CMTR1: variants seen among roughly 807,000 people sequenced by gnomAD.
The protein encoded by CMTR1 is cap methyltransferase 1.
A neutral mutation model predicts 107.0 loss-of-function variants in CMTR1; 39 were observed. The ratio of observed to expected loss-of-function variants is 0.36; its 90% CI spans 0.28 to 0.48. The LOEUF is 0.48. Among genes scored for constraint, CMTR1 ranks in the 20% least tolerant of loss-of-function variants. CMTR1 has a pLI of 0.99. For synonymous variants in CMTR1, 366 were observed against 379.5 expected, an observed-to-expected ratio of 0.96 and a Z score of 0.41; for missense variants, 672 against 1,064.9, an observed-to-expected ratio of 0.63 and a Z score of 5.14.
chr6:37,462,885 T>C lies in CMTR1; in HGVS notation c.1382T>C (p.Phe461Ser), dbSNP rs767328135. The change falls in exon 13 of 24, where the codon TTC (phenylalanine) becomes TCC (serine). Residue 461 changes from phenylalanine (F) to serine (S), a missense_variant. By Grantham distance (155) the Phe-to-Ser change is radical (BLOSUM62 -2). This residue lies in a region of CMTR1 where 583 missense variants were observed against 968.4 expected (regional missense o/e 0.60). Transcript: ENST00000373451. ...ATAGATGATGTTCGGGATTACCTCT[T>C]CGCAGTGAATATTAAACTCAATCAG... ...VGIDDVRDYLFAVNIKLNQLR... is the reference protein window; with the variant it reads ...VGIDDVRDYLSAVNIKLNQLR... The C allele has an allele frequency of 9.3e-6, 15 of 1,613,774 alleles. No homozygotes were observed. The highest frequency in any genetic ancestry group is 1.3e-5 in the Non-Finnish European group (15 of 1,180,024).
At chr6:37,470,001 C>G (rs1355681524) in intron 13 of CMTR1, among the ~76,000 whole-genome samples, 2 of 150,770 alleles carry the variant, frequency 1.3e-5, no homozygotes, top group Non-Finnish European at 1.5e-5. Flanking sequence ...TTCACTGATT[C>G]TTTCCTCTAC....
Position 37,461,608 on chromosome 6 carries a change from G to A in CMTR1, c.1155G>A (p.Leu385=). 6.2e-7 allele frequency: 1 copy of A among 1,611,950 alleles called. No individual in the cohort carries two copies. Among genetic ancestry groups the A allele is most frequent in the Admixed American group, 1.7e-5 (1 of 59,810 alleles). Residue 385 remains leucine, a synonymous_variant, in exon 11 of 24, where the codon CTG becomes CTA. Transcript: ENST00000373451. ...LQEILSKQLL[L]CQFLMALSIV... The stretch of plus-strand genomic sequence containing the variant: ...AGATCCTCAGCAAGCAGCTGCTTCT[G>A]TGTCAGTTCCTCATGGCGCTGTCCA...
At position 37,446,425 on chromosome 6, in the gene CMTR1, C is replaced by A. The variant is rs778160352; in HGVS notation, c.420C>A (p.Asn140Lys). 3.1e-5 allele frequency: 50 copies of A among 1,613,468 alleles called. No individual in the cohort carries two copies. The highest frequency in any genetic ancestry group is 4.2e-5 in the Non-Finnish European group (49 of 1,179,978). ...TCCGGGGCTTTGACCAGGAGCTGAA[C>A]GTGGACTGGCGAGATGAGCCAGAGG... is the stretch of plus-strand genomic sequence containing the variant. ...LTLRGFDQEL[N>K]VDWRDEPEPS... The change falls in exon 4 of 24, where the codon AAC (asparagine) becomes AAA (lysine). Residue 140 changes from asparagine to lysine, a missense_variant. Physicochemically the swap from Asn to Lys is moderately conservative, Grantham distance 94 (BLOSUM62 0). Transcript: ENST00000373451.
chr6:37,458,764 G>A lies in CMTR1; in HGVS notation c.930G>A (p.Leu310=), dbSNP rs1391725993. The part of the protein sequence containing the change: ...MTLKGPNDFK[L]EDFYSASSEL... ...TGAAGGGCCCTAATGACTTCAAGCT[G>A]GAGGACTTCTACTCTGCTTCCAGTG... The change falls in exon 9 of 24, where the codon CTG becomes CTA. Residue 310 remains leucine, a synonymous_variant. Transcript: ENST00000373451. The surrounding 1 kb of genome is among the most constrained non-coding windows in gnomAD (Gnocchi z 4.7). 1.6e-5 allele frequency: 26 copies of A among 1,614,160 alleles called. No individual in the cohort carries two copies. The highest frequency in any genetic ancestry group is 1.9e-5 in the Non-Finnish European group (22 of 1,180,046).
At chr6:37,479,409 G>A (rs963690723) in intron 23 of CMTR1, among the ~76,000 whole-genome samples, 154 bp downstream of exon 23, 1 of 152,266 alleles carries the variant, frequency 6.6e-6, no homozygotes, top group African/African-American at 2.4e-5. Flanking sequence ...TTGTGGGGAT[G>A]GCAGCCCCCT....
In CMTR1 at chr6:37,477,686, T is replaced by TG. The variant is rs759524560; in HGVS notation, c.2153+48dup. On this transcript the variant is annotated intron_variant, in intron 21 of 23. Coordinates refer to ENST00000373451, the MANE Select transcript of CMTR1 (RefSeq NM_015050.3). ...GCTCAGATTCAAGAGGAGGTGGGGG[T>TG]GCGGCCGTGTCCTGTAGTCATCCTC... 2.0e-5 allele frequency: 25 copies of TG among 1,256,642 alleles called. No homozygotes were observed. In the Admixed American group the frequency reaches 2.3e-4, roughly 11 times the overall value. The allele number at this position is 1,256,642 out of a possible 1,614,324, so 77.8% of individuals were successfully genotyped here. A position where few individuals can be genotyped will look rare whatever the true frequency, so the allele number is the denominator to read the frequency against.
At chr6:37,473,083 G>A (rs1304563569) in intron 16 of CMTR1, among the ~76,000 whole-genome samples, 1 of 152,142 alleles carries the variant, frequency 6.6e-6, no homozygotes, top group Non-Finnish European at 1.5e-5. Flanking sequence ...AATAGTATGT[G>A]TACATTTTTC....
At position 37,440,206 on chromosome 6, in the gene CMTR1, T is replaced by A. The variant is rs367703936; in HGVS notation, c.134-3793T>A. Among the ~76,000 whole-genome samples the A allele has an allele frequency of 3.3e-5, 5 of 152,364 alleles. No homozygotes were observed. The South Asian group carries it at 1.0e-3, about 32-fold the overall frequency. On this transcript the variant is annotated intron_variant, in intron 2 of 23. Coordinates refer to ENST00000373451, the MANE Select transcript of CMTR1 (RefSeq NM_015050.3). The stretch of plus-strand genomic sequence containing the variant: ...CCATCCAGCTTTGGCAAATTCTTAT[T>A]GAAACTAATGAGTTTAATAGACTGA...
At chr6:37,467,098 T>A (rs902577984) in intron 13 of CMTR1, among the ~76,000 whole-genome samples, 1 of 152,056 alleles carries the variant, frequency 6.6e-6, no homozygotes, top group Non-Finnish European at 1.5e-5. Flanking sequence ...ACTCAGAAGG[T>A]AGAGGTTGCA....
At chr6:37,477,441 T>C in intron 20 of CMTR1, 151 bp from the exon 21 acceptor site, 2 of 702,792 alleles carry the variant, frequency 2.8e-6, no homozygotes, top group Non-Finnish European at 5.2e-6. Context: ...GTTGGCAGGC[T>C]TGGTGTCCTC....
intron 4 of CMTR1, among the ~76,000 whole-genome samples, chr6:37,449,251 C>T (rs1329994446): frequency 8.6e-6 from 1 of 116,562 alleles, no homozygotes; most frequent in African/African-American, 3.1e-5. Flanking sequence ...CAGCTCCAGG[C>T]ATCAGTACTA....
upstream of CMTR1, among the ~76,000 whole-genome samples, chr6:37,432,416 G>A (rs1159811430): frequency 6.6e-6 from 1 of 152,250 alleles, no homozygotes; most frequent in Non-Finnish European, 1.5e-5. Context: ...ACTGGAGACA[G>A]TCACGGGAGT....
Position 37,481,276 on chromosome 6 carries a change from A to T in CMTR1, c.*1131A>T. On this transcript the variant is annotated 3_prime_UTR_variant, in exon 24 of 24. Coordinates refer to ENST00000373451, the MANE Select transcript of CMTR1 (RefSeq NM_015050.3). ...TGGGAAATACCTCTCAGAGATGTTCATGCAGGCTCCCTAGGGCCCCATCCC... is the reference window on the plus strand; with the variant it reads ...TGGGAAATACCTCTCAGAGATGTTCTTGCAGGCTCCCTAGGGCCCCATCCC... 7.9e-7 allele frequency: 1 copy of T among 1,258,500 alleles called. No homozygotes were observed. Among genetic ancestry groups the T allele is most frequent in the South Asian group, 1.4e-5 (1 of 73,326 alleles). 78.0% of individuals were successfully genotyped at this position (1,258,500 alleles called of 1,614,324 possible). A position where few individuals can be genotyped will look rare whatever the true frequency, so the allele number is the denominator to read the frequency against.
rs1375226856 is a variant in CMTR1 at position 37,444,130 on chromosome 6, A to C, written c.265A>C (p.Ser89Arg). 4 of 1,614,124 alleles carry C rather than the reference A, an allele frequency of 2.5e-6. No individual in the cohort carries two copies. The South Asian group carries it at 4.4e-5, about 18-fold the overall frequency. Residue 89 changes from serine to arginine, a missense_variant, in exon 3 of 24, where the codon AGC becomes CGC. By Grantham distance (110) the Ser-to-Arg change is moderately radical (BLOSUM62 -1). This residue lies in a region of CMTR1 where 583 missense variants were observed against 968.4 expected (regional missense o/e 0.60). Coordinates refer to ENST00000373451, the MANE Select transcript of CMTR1 (RefSeq NM_015050.3). ...GTSSRYSMYN[S>R]VSQKLMAKMG... ...TTCTTCTCGCTATTCCATGTATAAT[A>C]GCGTCTCCCAGAAGCTTATGGTATG... is the stretch of plus-strand genomic sequence containing the variant.
chr6:37,443,987 T>C lies in CMTR1; in HGVS notation c.134-12T>C. The C allele has an allele frequency of 6.2e-7, 1 of 1,610,732 alleles. No homozygotes were observed. Among genetic ancestry groups the C allele is most frequent in the Non-Finnish European group, 8.5e-7 (1 of 1,179,170 alleles). On this transcript the variant is annotated splice_polypyrimidine_tract_variant and intron_variant, in intron 2 of 23. Coordinates refer to ENST00000373451, the MANE Select transcript of CMTR1 (RefSeq NM_015050.3). ...ATAAACCTACCTAAACATTTTCCTT[T>C]TTCTTTTTCAGCATCTACTACAAGC...
At chr6:37,471,367 A>G (rs1457534517) in intron 14 of CMTR1, among the ~76,000 whole-genome samples, 1 of 152,190 alleles carries the variant, frequency 6.6e-6, no homozygotes, top group Non-Finnish European at 1.5e-5. Context: ...AGTAGAATAC[A>G]TAATGTTCAG....
chr6:37,467,709 A>G (rs558208540), intron 13 of CMTR1, among the ~76,000 whole-genome samples: 1 of 152,266 alleles, frequency 6.6e-6, no homozygotes, highest in African/African-American at 2.4e-5. Flanking sequence ...GTTATGAAAT[A>G]CCCTATTTAT....
In CMTR1 at chr6:37,450,752, G is replaced by A. The variant is rs140773121; in HGVS notation, c.537+409G>A. ...TCTTCTGGAAAATTGTGAGAATAAA[G>A]TAGATGGCTACCAAATCAATATGGT... On this transcript the variant is annotated intron_variant, in intron 5 of 23. Transcript: ENST00000373451. 4.2e-3 allele frequency among the ~76,000 whole-genome samples: 635 copies of A among 152,324 alleles called. 4 individuals are homozygous for A. The highest frequency in any genetic ancestry group is 0.013 in the African/African-American group (559 of 41,568).
chr6:37,467,791 T>C (rs1239615775), intron 13 of CMTR1, among the ~76,000 whole-genome samples: 6 of 152,214 alleles, frequency 3.9e-5, no homozygotes, highest in Admixed American at 6.5e-5. Flanking sequence ...TTTCTTTAGC[T>C]TAGTGTTTAT....
Sources: gnomAD v4.1 joint callset for allele counts (sites outside exome capture counted in the v4.1 genomes callset) on GRCh38, gnomAD v4.1.1 for gene constraint, gnomAD v4.1.1 regional missense constraint, Gnocchi (gnomAD v3.1) non-coding constraint, MANE v1.5 for transcripts, NCBI Gene and HGNC (gene_info 2026-07-23, HGNC 2026-07-21) for gene names.